GALNTL6: variants seen among roughly 807,000 people sequenced by gnomAD.
GALNTL6 encodes the protein polypeptide N-acetylgalactosaminyltransferase like 6.
A neutral mutation model predicts 73.7 loss-of-function variants in GALNTL6; 46 were observed. The observed-to-expected ratio is 0.62, with a 90% CI of 0.49 to 0.80. The LOEUF is 0.80. Among genes scored for constraint, GALNTL6 ranks in the 30% least tolerant of loss-of-function variants. The pLI, the probability that GALNTL6 is intolerant of heterozygous loss-of-function variation, is 0.00. For missense variants in GALNTL6, 604 were observed against 755.0 expected (o/e 0.80, Z 2.34); for synonymous variants, 259 against 263.7 (o/e 0.98, Z 0.17).
At chr4:172,152,012 T>G (rs1409399923) in intron 2 of GALNTL6, among the ~76,000 whole-genome samples, 1 of 151,980 alleles carries the variant, frequency 6.6e-6, no homozygotes, top group Non-Finnish European at 1.5e-5. Flanking sequence ...CGTCTCTCTC[T>G]GTCATCCAGG....
intron 2 of GALNTL6, among the ~76,000 whole-genome samples, chr4:172,163,011 A>G (rs1734520935): frequency 1.3e-5 from 2 of 152,058 alleles, no homozygotes. Flanking sequence ...CATGTCTGGC[A>G]GCACAGAGCC....
chr4:172,285,125 T>G (rs1056522876), intron 3 of GALNTL6, among the ~76,000 whole-genome samples: 33 of 152,218 alleles, frequency 2.2e-4, no homozygotes, highest in Middle Eastern at 6.3e-3. Flanking sequence ...ATGAGTGTTT[T>G]GTAGTTCTCT....
chr4:172,528,259 A>G (rs1735028501), intron 5 of GALNTL6, among the ~76,000 whole-genome samples: 1 of 147,968 alleles, frequency 6.8e-6, no homozygotes, highest in Non-Finnish European at 1.5e-5. Context: ...CTGGCATGAG[A>G]ATGTGGGGAA....
chr4:172,766,121 T>A lies in GALNTL6; in HGVS notation c.554-43240T>A, dbSNP rs1423990161. On this transcript the variant is annotated intron_variant, in intron 5 of 12. Coordinates refer to ENST00000506823, the MANE Select transcript of GALNTL6 (RefSeq NM_001034845.3). ...AGAGTCGGGCAAATGGAATGGTTTC[T>A]CTTCCAATTCCTCTGTTGCCTCTCT... Among the ~76,000 whole-genome samples the A allele has an allele frequency of 4.6e-5, 7 of 152,300 alleles. No individual in the cohort carries two copies. In the East Asian group the frequency reaches 1.4e-3, roughly 29 times the overall value.
intron 2 of GALNTL6, among the ~76,000 whole-genome samples, chr4:172,012,058 T>C (rs1008841061): frequency 1.3e-5 from 2 of 152,076 alleles, no homozygotes; most frequent in African/African-American, 4.8e-5. Flanking sequence ...GGTAGCTATG[T>C]TACTTTCATC....
intron 5 of GALNTL6, among the ~76,000 whole-genome samples, chr4:172,583,483 T>A (rs539280263): frequency 1.2e-3 from 181 of 152,356 alleles, no homozygotes; most frequent in Middle Eastern, 6.8e-3. Context: ...TATTCCATTT[T>A]AAATTTTAAT....
intron 5 of GALNTL6, among the ~76,000 whole-genome samples, chr4:172,548,167 G>C (rs968914635): frequency 2.2e-5 from 1 of 46,192 alleles, no homozygotes; most frequent in African/African-American, 6.0e-5. Context: ...ATATGTCGAT[G>C]TCAATGAAGG....
intron 5 of GALNTL6, among the ~76,000 whole-genome samples, chr4:172,540,860 A>G (rs1313734361): frequency 6.6e-6 from 1 of 152,250 alleles, no homozygotes; most frequent in Non-Finnish European, 1.5e-5. Flanking sequence ...CCTCATAGGA[A>G]GCGGACCAGC....
rs983337672 is a variant in GALNTL6, at chr4:172,941,677, G to A, written c.1150-10360G>A. On this transcript the variant is annotated intron_variant, in intron 9 of 12. Coordinates refer to ENST00000506823, the MANE Select transcript of GALNTL6 (RefSeq NM_001034845.3). ...CCTCATAAAGGAGAATGCTGGCTCC[G>A]ACAAAGAAGGTCCCTGCTGCTACAA... Among the ~76,000 whole-genome samples, 6 of 152,146 alleles carry A rather than the reference G, an allele frequency of 3.9e-5. No homozygotes were observed. The South Asian group carries it at 8.3e-4, about 21-fold the overall frequency.
intron 2 of GALNTL6, among the ~76,000 whole-genome samples, chr4:172,166,933 G>A (rs1354565949): frequency 6.6e-6 from 1 of 152,166 alleles, no homozygotes; most frequent in Non-Finnish European, 1.5e-5. Flanking sequence ...TGTTAGAGAA[G>A]GGGACAAGCC....
At chr4:172,961,458 A>C (rs1225571026) in intron 10 of GALNTL6, among the ~76,000 whole-genome samples, 1 of 152,188 alleles carries the variant, frequency 6.6e-6, no homozygotes, top group Non-Finnish European at 1.5e-5. Context: ...CTAAGGGTGA[A>C]GGACCAAGGC....
At chr4:171,867,363 A>C (rs1016594625) in intron 2 of GALNTL6, among the ~76,000 whole-genome samples, 1 of 152,202 alleles carries the variant, frequency 6.6e-6, no homozygotes, top group African/African-American at 2.4e-5. Flanking sequence ...GCAAAAAAAG[A>C]ATTAGAGCAC....
intron 2 of GALNTL6, among the ~76,000 whole-genome samples, chr4:172,210,864 C>T (rs778981265): frequency 2.0e-5 from 3 of 152,194 alleles, no homozygotes; most frequent in South Asian, 4.1e-4. Context: ...TTTATTCAAT[C>T]ATTTGTTTAT....
chr4:172,639,008 CAT>C (rs1739834900), intron 5 of GALNTL6, among the ~76,000 whole-genome samples: 1 of 152,072 alleles, frequency 6.6e-6, no homozygotes, highest in African/African-American at 2.4e-5. Flanking sequence ...CTCAATGCAT[CAT>C]ATGAGGTGCT....
chr4:172,025,143 AG>A (rs1741525081), intron 2 of GALNTL6, among the ~76,000 whole-genome samples: 1 of 152,028 alleles, frequency 6.6e-6, no homozygotes, highest in African/African-American at 2.4e-5. Context: ...ATGTCTGTAA[AG>A]GAAATAATGT....
intron 2 of GALNTL6, among the ~76,000 whole-genome samples, chr4:171,957,092 T>C (rs1175671473): frequency 6.6e-6 from 1 of 152,224 alleles, no homozygotes; most frequent in South Asian, 2.1e-4. Context: ...ACCTAAATCC[T>C]GCACATCCTT....
intron 5 of GALNTL6, among the ~76,000 whole-genome samples, chr4:172,358,318 G>A (rs769660159): frequency 2.0e-5 from 3 of 152,130 alleles, no homozygotes; most frequent in Non-Finnish European, 2.9e-5. Context: ...AGAAAGGGTA[G>A]GAAAAATAAG....
At chr4:172,423,782 A>G (rs900297065) in intron 5 of GALNTL6, among the ~76,000 whole-genome samples, 7 of 152,142 alleles carry the variant, frequency 4.6e-5, no homozygotes, top group Admixed American at 1.3e-4. Flanking sequence ...TGCATAGTAC[A>G]TAGTAACCAC....
intron 2 of GALNTL6, among the ~76,000 whole-genome samples, chr4:171,818,492 C>T (rs1319800584): frequency 7.6e-6 from 1 of 132,038 alleles, no homozygotes; most frequent in African/African-American, 2.8e-5. Flanking sequence ...AAAATGAGGG[C>T]CAAAATCTTA....
Sources: gnomAD v4.1 joint callset for allele counts (sites outside exome capture counted in the v4.1 genomes callset) on GRCh38, gnomAD v4.1.1 for gene constraint, MANE v1.5 for transcripts, NCBI Gene and HGNC (gene_info 2026-07-23, HGNC 2026-07-21) for gene names.